ADORA1: variants seen among roughly 807,000 people sequenced by gnomAD.
ADORA1 encodes the protein adenosine A1 receptor, also known as adenosine receptor A1.
A neutral mutation model predicts 19.9 loss-of-function variants in ADORA1; 6 were observed. The observed-to-expected ratio is 0.30, with a 90% CI of 0.17 to 0.59. The LOEUF is 0.59. Among genes scored for constraint, ADORA1 ranks in the 20% least tolerant of loss-of-function variants. ADORA1 has a pLI of 0.87. For missense variants in ADORA1, 302 were observed against 439.2 expected (o/e 0.69, Z 2.79); for synonymous variants, 194 against 188.4 (o/e 1.03, Z -0.24).
chr1:203,150,674 G>A, intron 3 of ADORA1: 1 of 1,289,858 alleles, frequency 7.8e-7, no homozygotes, highest in East Asian at 5.5e-5. Context: ...GCAGCAGGAA[G>A]AACTGAAGTT....
intron 3 of ADORA1, among the ~76,000 whole-genome samples, chr1:203,145,969 A>G (rs1345255888): frequency 8.5e-5 from 13 of 152,162 alleles, no homozygotes; most frequent in Admixed American, 8.5e-4. Flanking sequence ...CTCAGGTCAG[A>G]GTGTGTTCTG....
At chr1:203,136,919 G>T (rs1654529745) in intron 3 of ADORA1, among the ~76,000 whole-genome samples, 1 of 152,204 alleles carries the variant, frequency 6.6e-6, no homozygotes, top group Non-Finnish European at 1.5e-5. Context: ...GCCAGGGTCT[G>T]TTGGGATACT....
At chr1:203,151,432 AAACC>A (rs1415026258) in intron 3 of ADORA1, among the ~76,000 whole-genome samples, 3 of 152,332 alleles carry the variant, frequency 2.0e-5, no homozygotes, top group South Asian at 2.1e-4. Context: ...ATAGATATGG[AAACC>A]ATGTGACTGG....
At chr1:203,154,798 G>A (rs1299183014) in intron 3 of ADORA1, among the ~76,000 whole-genome samples, 1 of 152,180 alleles carries the variant, frequency 6.6e-6, no homozygotes, top group African/African-American at 2.4e-5. Context: ...GAAAGCCAAG[G>A]ACAGACAGCT....
At chr1:203,164,256 C>A (rs530827423) in intron 3 of ADORA1, among the ~76,000 whole-genome samples, 1 of 152,358 alleles carries the variant, frequency 6.6e-6, no homozygotes, top group Non-Finnish European at 1.5e-5. Flanking sequence ...AAGGACATAT[C>A]ATGATCTATA....
At chr1:203,155,020 TTATTATTA>T (rs1558135744) in intron 3 of ADORA1, among the ~76,000 whole-genome samples, 7 of 50,194 alleles carry the variant, frequency 1.4e-4, no homozygotes, top group African/African-American at 3.9e-4. Context: ...TTCCTATTTA[TTATTATTA>T]TTATTATTAT....
Position 203,128,932 on chromosome 1 carries a change from A to T in ADORA1, c.91A>T (p.Ile31Phe). The T allele has an allele frequency of 6.2e-7, 1 of 1,613,970 alleles. No individual in the cohort carries two copies. The highest frequency in any genetic ancestry group is 8.5e-7 in the Non-Finnish European group (1 of 1,180,018). Residue 31 changes from isoleucine (I) to phenylalanine (F), a missense_variant, in exon 3 of 4, where the codon ATC (isoleucine) becomes TTC (phenylalanine). Coordinates refer to ENST00000337894, the MANE Select transcript of ADORA1 (RefSeq NM_000674.3). The surrounding 1 kb of genome is among the most constrained non-coding windows in gnomAD (Gnocchi z 5.9). ...LVSVPGNVLV[I>F]WAVKVNQALR... is the part of the protein sequence containing the mutation. ...CTCTGTGCCCGGGAACGTGCTGGTG[A>T]TCTGGGCGGTGAAGGTGAACCAGGC...
At position 203,128,642 on chromosome 1, in the gene ADORA1, G is replaced by A; in HGVS notation, c.-57-143G>A. 1 of 1,043,246 alleles carries A rather than the reference G, an allele frequency of 9.6e-7. No homozygotes were observed. Among genetic ancestry groups the A allele is most frequent in the South Asian group, 1.7e-5 (1 of 59,716 alleles). 64.6% of individuals were successfully genotyped at this position (1,043,246 alleles called of 1,614,324 possible). A position where few individuals can be genotyped will look rare whatever the true frequency, so the allele number is the denominator to read the frequency against. On this transcript the variant is annotated intron_variant, in intron 2 of 3. Coordinates refer to ENST00000337894, the MANE Select transcript of ADORA1 (RefSeq NM_000674.3). The surrounding 1 kb of genome is among the most constrained non-coding windows in gnomAD (Gnocchi z 5.9). ...GAAGGGACAAAGATTAGGCAGAGAAGGGTCCGGGTGCCCCTCCAGCCTGGG... is the reference window on the plus strand; with the variant it reads ...GAAGGGACAAAGATTAGGCAGAGAAAGGTCCGGGTGCCCCTCCAGCCTGGG...
intron 3 of ADORA1, among the ~76,000 whole-genome samples, chr1:203,133,594 G>C (rs1014558264): frequency 6.6e-6 from 1 of 152,206 alleles, no homozygotes; most frequent in Non-Finnish European, 1.5e-5. Flanking sequence ...TTTTGGAGGA[G>C]TTTCTATGAA....
chr1:203,163,744 A>G (rs1655444611), intron 3 of ADORA1, among the ~76,000 whole-genome samples: 1 of 152,220 alleles, frequency 6.6e-6, no homozygotes, highest in South Asian at 2.1e-4. Context: ...TAGCCTTCAC[A>G]GAGCAGGTGG....
chr1:203,158,979 T>A (rs999086600), intron 3 of ADORA1, among the ~76,000 whole-genome samples: 6 of 152,236 alleles, frequency 3.9e-5, no homozygotes, highest in African/African-American at 1.4e-4. Flanking sequence ...CAGGATCTAA[T>A]TACCTCTTAA....
At chr1:203,134,194 T>C (rs1228422786) in intron 3 of ADORA1, among the ~76,000 whole-genome samples, 1 of 152,100 alleles carries the variant, frequency 6.6e-6, no homozygotes, top group East Asian at 1.9e-4. Context: ...GGCTGGGAGT[T>C]CTTTCCTCCT....
chr1:203,131,454 T>A (rs1393200695), intron 3 of ADORA1, among the ~76,000 whole-genome samples: 2 of 152,176 alleles, frequency 1.3e-5, no homozygotes, highest in East Asian at 3.8e-4. Flanking sequence ...TCAGTAAACG[T>A]TGATTGAATT....
At chr1:203,135,312 G>A (rs1654470276) in intron 3 of ADORA1, among the ~76,000 whole-genome samples, 1 of 152,106 alleles carries the variant, frequency 6.6e-6, no homozygotes, top group Admixed American at 6.5e-5. Context: ...TTATTGTTAT[G>A]AAAAATGCTT....
chr1:203,156,539 A>AG (rs1655204493), intron 3 of ADORA1, among the ~76,000 whole-genome samples: 2 of 152,070 alleles, frequency 1.3e-5, no homozygotes, highest in South Asian at 4.1e-4. Context: ...GTTTAAGGTA[A>AG]GGGGATGGGC....
intron 3 of ADORA1, among the ~76,000 whole-genome samples, chr1:203,136,125 G>C (rs989804440): frequency 4.6e-5 from 7 of 152,130 alleles, no homozygotes; most frequent in Admixed American, 2.6e-4. Flanking sequence ...ACGGCTCCTT[G>C]GGCGGCATGA....
At chr1:203,158,174 T>A (rs572808735) in intron 3 of ADORA1, among the ~76,000 whole-genome samples, 3 of 152,324 alleles carry the variant, frequency 2.0e-5, no homozygotes, top group East Asian at 3.9e-4. Flanking sequence ...TCTGTCTTCC[T>A]TCACTTTGCT....
At chr1:203,143,953 C>T (rs1654779095) in intron 3 of ADORA1, among the ~76,000 whole-genome samples, 1 of 152,212 alleles carries the variant, frequency 6.6e-6, no homozygotes, top group African/African-American at 2.4e-5. Flanking sequence ...CTTGGAAGCG[C>T]AGCGCCATAC....
rs145647777 is a variant in ADORA1 at position 203,165,371 on chromosome 1, C to T, written c.452C>T (p.Ala151Val). 46 of 1,596,804 alleles carry T rather than the reference C, an allele frequency of 2.9e-5. No individual in the cohort carries two copies. The highest frequency in any genetic ancestry group is 1.1e-4 in the East Asian group (5 of 44,826). ...TPMFGWNNLS[A>V]VERAWAANGS... ...ATGTTTGGCTGGAACAATCTGAGTG[C>T]GGTGGAGCGGGCCTGGGCAGCCAAC... Residue 151 changes from alanine to valine, a missense_variant, in exon 4 of 4, where the codon GCG (alanine) becomes GTG (valine). Coordinates refer to ENST00000337894, the MANE Select transcript of ADORA1 (RefSeq NM_000674.3). The surrounding 1 kb of genome is among the most constrained non-coding windows in gnomAD (Gnocchi z 5.9).
Sources: gnomAD v4.1 joint callset for allele counts (sites outside exome capture counted in the v4.1 genomes callset) on GRCh38, gnomAD v4.1.1 for gene constraint, Gnocchi (gnomAD v3.1) non-coding constraint, MANE v1.5 for transcripts, NCBI Gene and HGNC (gene_info 2026-07-23, HGNC 2026-07-21) for gene names.